The following RBFOX1 variants were observed in gnomAD, a reference collection of about 807,000 sequenced individuals.
RBFOX1 encodes the protein RNA binding protein fox-1 homolog 1.
A neutral mutation model predicts 57.7 loss-of-function variants in RBFOX1; 8 were observed. That is an observed-to-expected ratio of 0.14 (90% CI 0.08 to 0.25). RBFOX1 has a LOEUF of 0.25. Ranked by LOEUF, RBFOX1 falls within the 10% of genes least tolerant of loss-of-function variation. The probability of loss-of-function intolerance (pLI) is 1.00; values close to 1 mark genes in which losing one functional copy is unlikely to be tolerated. For missense variants in RBFOX1, 611 were observed against 548.5 expected, an observed-to-expected ratio of 1.11 and a Z score of -1.14; for synonymous variants, 326 against 222.4, an observed-to-expected ratio of 1.47 and a Z score of -4.15.
intron 4 of RBFOX1, among the ~76,000 whole-genome samples, chr16:7,215,934 A>T (rs533902511): frequency 1.6e-4 from 25 of 152,226 alleles, no homozygotes; most frequent in African/African-American, 6.0e-4. Flanking sequence ...CGTGTTAGCC[A>T]GGATGGTCTC....
intron 3 of RBFOX1, among the ~76,000 whole-genome samples, chr16:5,851,231 A>G (rs1048679524): frequency 4.6e-5 from 7 of 152,218 alleles, no homozygotes; most frequent in Admixed American, 2.0e-4. Flanking sequence ...CAGAGCAGGA[A>G]GGATATCAGT....
At chr16:5,729,379 CT>C (rs200789352) in intron 3 of RBFOX1, among the ~76,000 whole-genome samples, 12,881 of 123,466 alleles carry the variant, frequency 0.1, 611 homozygotes, top group Middle Eastern at 0.18. Flanking sequence ...ACACAGCTAG[CT>C]TTTTTTTTTT....
At chr16:7,396,456 TA>T (rs965192410) in intron 4 of RBFOX1, among the ~76,000 whole-genome samples, 22 of 151,936 alleles carry the variant, frequency 1.4e-4, no homozygotes, top group African/African-American at 5.3e-4. Flanking sequence ...TGAAGGTTTT[TA>T]TTGCCATTTC....
Position 6,321,245 on chromosome 16 carries a change from C to A in RBFOX1, c.-64+4188C>A, listed in dbSNP as rs563067168. Reference sequence around the variant, plus strand: ...CTCATTTCTTTGTGTCCGGAGAGTTCATTAATTTAAATTTAAGAACATGTG... The same window carrying A: ...CTCATTTCTTTGTGTCCGGAGAGTTAATTAATTTAAATTTAAGAACATGTG... On this transcript the variant is annotated intron_variant, in intron 2 of 15. Coordinates refer to ENST00000550418, the MANE Select transcript of RBFOX1 (RefSeq NM_018723.4). Among the ~76,000 whole-genome samples the A allele has an allele frequency of 4.6e-5, 7 of 152,114 alleles. No individual in the cohort carries two copies. In the East Asian group the frequency reaches 1.4e-3, roughly 29 times the overall value.
At chr16:5,866,232 G>A (rs2057340631) in intron 3 of RBFOX1, among the ~76,000 whole-genome samples, 1 of 152,156 alleles carries the variant, frequency 6.6e-6, no homozygotes, top group Non-Finnish European at 1.5e-5. Context: ...GCCTCCCAAA[G>A]TTCTGGGATT....
chr16:7,400,230 C>G (rs535967891), intron 4 of RBFOX1, among the ~76,000 whole-genome samples: 4 of 152,262 alleles, frequency 2.6e-5, no homozygotes, highest in African/African-American at 7.2e-5. Context: ...TAAAATTGCA[C>G]CTTCCCCAAA....
intron 4 of RBFOX1, among the ~76,000 whole-genome samples, chr16:7,078,294 C>T (rs1357171348): frequency 6.6e-6 from 1 of 152,170 alleles, no homozygotes. Flanking sequence ...TGACCTAACC[C>T]AGAAATGGTT....
chr16:6,297,585 T>G (rs1263915473), intron 1 of RBFOX1, among the ~76,000 whole-genome samples: 1 of 152,122 alleles, frequency 6.6e-6, no homozygotes, highest in African/African-American at 2.4e-5. Flanking sequence ...AGAGGGCAGT[T>G]CCTTGGCAAA....
chr16:5,375,737 G>T (rs1371577088), intron 1 of RBFOX1, among the ~76,000 whole-genome samples: 2 of 152,212 alleles, frequency 1.3e-5, no homozygotes, highest in East Asian at 3.9e-4. Flanking sequence ...CTTTGGTGGT[G>T]GTGGGCCGGA....
Position 7,599,827 on chromosome 16 carries a change from G to C in RBFOX1, c.622+2396G>C, listed in dbSNP as rs572283333. On this transcript the variant is annotated intron_variant, in intron 9 of 15. Coordinates refer to ENST00000550418, the MANE Select transcript of RBFOX1 (RefSeq NM_018723.4). ...TTTTTTTTTATTTTTTGTAGAGACG[G>C]AGTTTCACCAAGTTGCCCAGGCTGG... is the stretch of plus-strand genomic sequence containing the variant. 4.6e-5 allele frequency among the ~76,000 whole-genome samples: 7 copies of C among 151,436 alleles called. No homozygotes were observed. The East Asian group carries it at 1.4e-3, about 30-fold the overall frequency.
At chr16:5,555,711 A>G (rs1307897429) in intron 2 of RBFOX1, among the ~76,000 whole-genome samples, 1 of 151,808 alleles carries the variant, frequency 6.6e-6, no homozygotes, top group Admixed American at 6.6e-5. Context: ...CTAAGTCTGG[A>G]CAGGTTCATT....
At chr16:5,795,237 C>G (rs1163738624) in intron 3 of RBFOX1, among the ~76,000 whole-genome samples, 1 of 152,122 alleles carries the variant, frequency 6.6e-6, no homozygotes, top group Non-Finnish European at 1.5e-5. Flanking sequence ...ATTACTATGC[C>G]CAGTGACACT....
At chr16:6,693,378 A>T (rs939147997) in intron 3 of RBFOX1, among the ~76,000 whole-genome samples, 1 of 133,882 alleles carries the variant, frequency 7.5e-6, no homozygotes, top group Non-Finnish European at 1.6e-5. Context: ...ACATCATCCT[A>T]CTCCACTAGA....
intron 1 of RBFOX1, among the ~76,000 whole-genome samples, chr16:6,138,474 C>G (rs1161402194): frequency 6.6e-6 from 1 of 152,120 alleles, no homozygotes; most frequent in African/African-American, 2.4e-5. Context: ...CAGTTCCTTG[C>G]AGTCATAGGA....
At chr16:6,380,320 G>A (rs1393272385) in intron 2 of RBFOX1, among the ~76,000 whole-genome samples, 1 of 150,998 alleles carries the variant, frequency 6.6e-6, no homozygotes, top group African/African-American at 2.4e-5. Flanking sequence ...CGGTGGTGGA[G>A]GCAGCAAAGG....
intron 3 of RBFOX1, among the ~76,000 whole-genome samples, chr16:5,764,562 G>T (rs565401319): frequency 6.6e-6 from 1 of 152,294 alleles, no homozygotes; most frequent in African/African-American, 2.4e-5. Flanking sequence ...AGATGCTAGA[G>T]AAAAGAGAGC....
chr16:7,470,281 A>T (rs1232572089), intron 4 of RBFOX1, among the ~76,000 whole-genome samples: 3 of 152,210 alleles, frequency 2.0e-5, no homozygotes, highest in Admixed American at 6.5e-5. Flanking sequence ...TCCTTAGTGC[A>T]GGTGCCCTGC....
intron 4 of RBFOX1, among the ~76,000 whole-genome samples, chr16:7,510,566 G>C (rs188831180): frequency 6.6e-6 from 1 of 152,114 alleles, no homozygotes; most frequent in East Asian, 2.0e-4. Flanking sequence ...GAACTGAGCT[G>C]ATCTTAGAAC....
intron 4 of RBFOX1, among the ~76,000 whole-genome samples, chr16:7,509,543 T>G (rs943524530): frequency 6.6e-6 from 1 of 152,110 alleles, no homozygotes; most frequent in Non-Finnish European, 1.5e-5. Context: ...CAAAAACTAG[T>G]GCTTGGAGTA....
Sources: gnomAD v4.1 joint callset for allele counts (sites outside exome capture counted in the v4.1 genomes callset) on GRCh38, gnomAD v4.1.1 for gene constraint, MANE v1.5 for transcripts, NCBI Gene and HGNC (gene_info 2026-07-23, HGNC 2026-07-21) for gene names.